The following AGAP9 variants were observed in gnomAD, a reference collection of about 807,000 sequenced individuals.
The protein encoded by AGAP9 is ArfGAP with GTPase domain, ankyrin repeat and PH domain 9.
In AGAP9, 23 loss-of-function variants were observed where a neutral mutation model predicts 55.6. The observed-to-expected ratio is 0.41, with a 90% confidence interval of 0.30 to 0.59. AGAP9 has a LOEUF of 0.59. AGAP9 is among the 20% of genes least tolerant of loss of function. The probability of loss-of-function intolerance (pLI) is 0.25; values close to 1 mark genes in which losing one functional copy is unlikely to be tolerated. For synonymous variants in AGAP9, 120 were observed against 305.0 expected (o/e 0.39, Z 6.32); for missense variants, 309 against 808.1 (o/e 0.38, Z 7.49).
Position 47,502,295 on chromosome 10 carries a change from G to A in AGAP9, c.1834C>T (p.Arg612Cys), listed in dbSNP as rs1305310456. The stretch of plus-strand genomic sequence containing the variant: ...CCACAGGTCTCGTTCACCTCCTCAC[G>A]GGAGCCATGTGCCAGCAGCAGGATG... Reference protein sequence around the residue: ...TAILLLAHGSREEVNETCGEG... With the variant: ...TAILLLAHGSCEEVNETCGEG... The change falls in exon 8 of 8, where the codon CGT (arginine) becomes TGT (cysteine). Residue 612 changes from arginine (R) to cysteine (C), a missense_variant. By Grantham distance (180) the Arg-to-Cys change is radical (BLOSUM62 -3). Transcript: ENST00000452145. 1.4e-5 allele frequency: 23 copies of A among 1,601,436 alleles called. 1 individual carries two copies. Among genetic ancestry groups the A allele is most frequent in the East Asian group, 9.3e-5 (4 of 43,032 alleles).
chr10:47,502,342 G>C lies in AGAP9; in HGVS notation c.1787C>G (p.Thr596Ser). Residue 596 changes from threonine to serine, a missense_variant, in exon 8 of 8, where the codon ACT becomes AGT. By Grantham distance (58) the Thr-to-Ser change is moderately conservative (BLOSUM62 1). Coordinates refer to ENST00000452145, the MANE Select transcript of AGAP9 (RefSeq NM_001190810.1). ...GATGGCTGTCTGCAGGTCCTCATCA[G>C]TGGTGGCCCGCAGCAGCTGCTGGCC... Reference protein sequence around the residue: ...SLGQQLLRATTDEDLQTAILL... With the variant: ...SLGQQLLRATSDEDLQTAILL... The C allele has an allele frequency of 6.2e-7, 1 of 1,603,408 alleles. No homozygotes were observed. The highest frequency in any genetic ancestry group is 8.5e-7 in the Non-Finnish European group (1 of 1,177,368).
intron 2 of AGAP9, among the ~76,000 whole-genome samples, chr10:47,522,119 G>T (rs1840859645): frequency 6.8e-6 from 1 of 146,686 alleles, no homozygotes; most frequent in Non-Finnish European, 1.5e-5. Context: ...TGAACAAGAT[G>T]CTATTGTCAG....
At chr10:47,506,357 G>T (rs1458716908) in intron 6 of AGAP9, among the ~76,000 whole-genome samples, 13 of 139,378 alleles carry the variant, frequency 9.3e-5, no homozygotes, top group Non-Finnish European at 1.7e-4. Context: ...TTGAGACAGA[G>T]TCTCTCTCTG....
chr10:47,521,276 A>C lies in AGAP9; in HGVS notation c.293-709T>G, dbSNP rs1366598792. 1.8e-4 allele frequency among the ~76,000 whole-genome samples: 25 copies of C among 137,424 alleles called. 3 individuals are homozygous for C. Among genetic ancestry groups the C allele is most frequent in the Admixed American group, 8.1e-4 (11 of 13,636 alleles). 90.2% of individuals were successfully genotyped at this position (137,424 alleles called of 152,430 possible). ...ATCTACTAACTGGTGTGTAACATCC[A>C]TCAGGCTTTCCAAACATCACCAAGC... is the stretch of plus-strand genomic sequence containing the variant. On this transcript the variant is annotated intron_variant, in intron 2 of 7. Coordinates refer to ENST00000452145, the MANE Select transcript of AGAP9 (RefSeq NM_001190810.1).
Position 47,518,578 on chromosome 10 carries a change from A to AT in AGAP9, c.362-722dup, listed in dbSNP as rs1368836264. On this transcript the variant is annotated intron_variant, in intron 3 of 7. Transcript: ENST00000452145. ...AGGCACGTGCCACCATGCCTAGCTAATTTTTTTTTGTATTTTTAGTAGAGA... is the reference window on the plus strand; with the variant it reads ...AGGCACGTGCCACCATGCCTAGCTAATTTTTTTTTTGTATTTTTAGTAGAGA... Among the ~76,000 whole-genome samples, 34 of 116,520 alleles carry AT rather than the reference A, an allele frequency of 2.9e-4. 3 individuals are homozygous for AT. Among genetic ancestry groups the AT allele is most frequent in the Non-Finnish European group, 1.6e-4 (9 of 57,798 alleles). The allele number at this position is 116,520 out of a possible 152,430, so 76.4% of individuals were successfully genotyped here.
Position 47,503,355 on chromosome 10 carries a change from T to G in AGAP9, c.774A>C (p.Lys258Asn). ...MRWSNLFTSE[K>N]GSDPDKERKA... is the part of the protein sequence containing the mutation. ...TCCTCTCTTTGTCTGGGTCACTCCC[T>G]TTCTCAGATGTAAACAGGTTGGACC... Residue 258 changes from lysine (K) to asparagine (N), a missense_variant, in exon 8 of 8, where the codon AAA (lysine) becomes AAC (asparagine). Coordinates refer to ENST00000452145, the MANE Select transcript of AGAP9 (RefSeq NM_001190810.1). The G allele has an allele frequency of 6.2e-7, 1 of 1,608,724 alleles. No homozygotes were observed. The highest frequency in any genetic ancestry group is 8.5e-7 in the Non-Finnish European group (1 of 1,179,154).
In AGAP9 at chr10:47,502,377, C is replaced by G; in HGVS notation, c.1752G>C (p.Glu584Asp). Residue 584 changes from glutamate to aspartate, a missense_variant, in exon 8 of 8, where the codon GAG (glutamate) becomes GAC (aspartate). Coordinates refer to ENST00000452145, the MANE Select transcript of AGAP9 (RefSeq NM_001190810.1). Reference sequence around the variant, plus strand: ...GCAGCAGCTGCTGGCCCAGGGACAGCTCAGTGCAGGGTAGTGGGGCCAGAA... The same window carrying G: ...GCAGCAGCTGCTGGCCCAGGGACAGGTCAGTGCAGGGTAGTGGGGCCAGAA... The part of the protein sequence containing the change: ...KLFLAPLPCT[E>D]LSLGQQLLRA... The G allele has an allele frequency of 2.5e-6, 4 of 1,609,398 alleles. No individual in the cohort carries two copies. In the Admixed American group the frequency reaches 6.7e-5, roughly 27 times the overall value.
At position 47,502,466 on chromosome 10, in the gene AGAP9, A is replaced by T; in HGVS notation, c.1663T>A (p.Ser555Thr). 1 of 1,612,752 alleles carries T rather than the reference A, an allele frequency of 6.2e-7. No individual in the cohort carries two copies. The highest frequency in any genetic ancestry group is 2.2e-5 in the East Asian group (1 of 44,810). Residue 555 changes from serine (S) to threonine (T), a missense_variant, in exon 8 of 8, where the codon TCA (serine) becomes ACA (threonine). Ser to Thr is a moderately conservative substitution (Grantham distance 58). Coordinates refer to ENST00000452145, the MANE Select transcript of AGAP9 (RefSeq NM_001190810.1). Reference protein sequence around the residue: ...EGSSQGQTKPSIKSTREEKEW... With the variant: ...EGSSQGQTKPTIKSTREEKEW... ...TTCTCTTCCCTCGTGGACTTTATTG[A>T]GGGTTTTGTCTGCCCCTGGCTGCTC...
Position 47,516,034 on chromosome 10 carries a change from A to T in AGAP9, c.396+1789T>A, listed in dbSNP as rs1179276343. Among the ~76,000 whole-genome samples, 3 of 131,142 alleles carry T rather than the reference A, an allele frequency of 2.3e-5. 1 individual carries two copies. Among genetic ancestry groups the T allele is most frequent in the African/African-American group, 8.8e-5 (3 of 33,986 alleles). 86.0% of individuals were successfully genotyped at this position (131,142 alleles called of 152,430 possible). A position where few individuals can be genotyped will look rare whatever the true frequency, so the allele number is the denominator to read the frequency against. On this transcript the variant is annotated intron_variant, in intron 4 of 7. Transcript: ENST00000452145. ...ATCTTAAAACACTCTCAAAAAATATAAAATTCAATAGAAATAGTAGAGGAT... is the reference window on the plus strand; with the variant it reads ...ATCTTAAAACACTCTCAAAAAATATTAAATTCAATAGAAATAGTAGAGGAT...
intron 7 of AGAP9, among the ~76,000 whole-genome samples, chr10:47,503,925 A>G (rs1347775226): frequency 8.1e-4 from 53 of 65,184 alleles, no homozygotes; most frequent in African/African-American, 3.9e-3. Flanking sequence ...GGGCTACAGA[A>G]AGAGAGTCCA....
At chr10:47,507,981 A>G (rs1319148923) in intron 5 of AGAP9, among the ~76,000 whole-genome samples, 3 of 109,254 alleles carry the variant, frequency 2.7e-5, no homozygotes, top group African/African-American at 1.0e-4. Context: ...CACAACCTCC[A>G]CCACCCAGGT....
chr10:47,509,904 A>C (rs1840567280), intron 5 of AGAP9, among the ~76,000 whole-genome samples: 2 of 139,752 alleles, frequency 1.4e-5, no homozygotes, highest in Admixed American at 1.5e-4. Context: ...AAGGGAACCT[A>C]TCCTTCTCAC....
At position 47,506,520 on chromosome 10, in the gene AGAP9, G is replaced by A. The variant is rs1297513707; in HGVS notation, c.533+1028C>T. Among the ~76,000 whole-genome samples the A allele has an allele frequency of 3.2e-4, 45 of 140,008 alleles. 1 individual carries two copies. Among genetic ancestry groups the A allele is most frequent in the African/African-American group, 6.8e-4 (26 of 38,004 alleles). 91.9% of individuals were successfully genotyped at this position (140,008 alleles called of 152,430 possible). A position where few individuals can be genotyped will look rare whatever the true frequency, so the allele number is the denominator to read the frequency against. Reference sequence around the variant, plus strand: ...CATTTTTTGTACTTTCAGTAGAGGCGGGTTTTACCATGTTGGTCGGGCTGG... The same window carrying A: ...CATTTTTTGTACTTTCAGTAGAGGCAGGTTTTACCATGTTGGTCGGGCTGG... On this transcript the variant is annotated intron_variant, in intron 6 of 7. Transcript: ENST00000452145.
chr10:47,519,065 G>A (rs1186365199), intron 3 of AGAP9, among the ~76,000 whole-genome samples: 3 of 136,074 alleles, frequency 2.2e-5, no homozygotes, highest in African/African-American at 8.7e-5. Context: ...CCTTAATGTT[G>A]GAGACAGGGC....
At chr10:47,515,784 G>A (rs3879601) in intron 4 of AGAP9, among the ~76,000 whole-genome samples, 415 of 116,984 alleles carry the variant, frequency 3.5e-3, no homozygotes, top group Admixed American at 5.2e-3. Flanking sequence ...AATGTCTTCA[G>A]TAAAGATCCC....
chr10:47,506,769 A>G (rs1263566284), intron 6 of AGAP9, among the ~76,000 whole-genome samples: 1 of 144,692 alleles, frequency 6.9e-6, no homozygotes, highest in Non-Finnish European at 1.5e-5. Flanking sequence ...CCTCCAGAAT[A>G]CGTGGGACTA....
In AGAP9 at chr10:47,502,188, C is replaced by G. The variant is rs1449303321; in HGVS notation, c.1941G>C (p.Thr647=). 6.5e-7 allele frequency: 1 copy of G among 1,541,428 alleles called. No individual in the cohort carries two copies. The highest frequency in any genetic ancestry group is 8.8e-7 in the Non-Finnish European group (1 of 1,141,984). Residue 647 remains threonine (T), a synonymous_variant, in exon 8 of 8, where the codon ACG becomes ACC. Transcript: ENST00000452145. ...VVLEQLLTGW[T]SWPEMPTGTQ... is the part of the protein sequence containing the mutation. Reference sequence around the variant, plus strand: ...TTCCCGTGGGCATCTCGGGCCATGACGTCCACCCCGTCAGGAGCTGCTCCA... The same window carrying G: ...TTCCCGTGGGCATCTCGGGCCATGAGGTCCACCCCGTCAGGAGCTGCTCCA...
rs1438620756 is a variant in AGAP9 at position 47,511,429 on chromosome 10, G to A, written c.397-1158C>T. Among the ~76,000 whole-genome samples the A allele has an allele frequency of 2.2e-5, 3 of 134,306 alleles. 1 individual carries two copies. The highest frequency in any genetic ancestry group is 5.6e-5 in the African/African-American group (2 of 35,840). The allele number at this position is 134,306 out of a possible 152,430, so 88.1% of individuals were successfully genotyped here. ...GGGGCTCTGTGTGCCAGGGCTGCTA[G>A]GCCACCAACAAGTGAGGAAGCCATA... On this transcript the variant is annotated intron_variant, in intron 4 of 7. Transcript: ENST00000452145.
At position 47,502,333 on chromosome 10, in the gene AGAP9, T is replaced by C; in HGVS notation, c.1796A>G (p.Asp599Gly). The C allele has an allele frequency of 2.5e-6, 4 of 1,602,436 alleles. No homozygotes were observed. The highest frequency in any genetic ancestry group is 3.4e-6 in the Non-Finnish European group (4 of 1,176,928). The change falls in exon 8 of 8, where the codon GAC becomes GGC. Residue 599 changes from aspartate (D) to glycine (G), a missense_variant. Asp to Gly is a moderately conservative substitution (Grantham distance 94). Coordinates refer to ENST00000452145, the MANE Select transcript of AGAP9 (RefSeq NM_001190810.1). ...CAGCAGCAGGATGGCTGTCTGCAGG[T>C]CCTCATCAGTGGTGGCCCGCAGCAG... ...QQLLRATTDE[D>G]LQTAILLLAH... is the part of the protein sequence containing the mutation.
Sources: gnomAD v4.1 joint callset for allele counts (sites outside exome capture counted in the v4.1 genomes callset) on GRCh38, gnomAD v4.1.1 for gene constraint, MANE v1.5 for transcripts, NCBI Gene and HGNC (gene_info 2026-07-23, HGNC 2026-07-21) for gene names.